C1orf94: variants seen among roughly 807,000 people sequenced by gnomAD.
The protein encoded by C1orf94 is chromosome 1 open reading frame 94.
C1orf94 carries 45 observed loss-of-function variants against 53.6 expected under a neutral mutation model. That is an observed-to-expected ratio of 0.84 (90% CI 0.66 to 1.08). The LOEUF is 1.08. Ranked by LOEUF, C1orf94 falls within the 50% of genes least tolerant of loss-of-function variation. The pLI, the probability that C1orf94 is intolerant of heterozygous loss-of-function variation, is 0.00. For synonymous variants in C1orf94, 304 were observed against 296.1 expected (o/e 1.03, Z -0.27); for missense variants, 762 against 738.9 (o/e 1.03, Z -0.36).
At chr1:34,187,068 C>T (rs1243571724) in intron 1 of C1orf94, among the ~76,000 whole-genome samples, 1 of 152,162 alleles carries the variant, frequency 6.6e-6, no homozygotes, top group Admixed American at 6.5e-5. Context: ...CAAGACATTG[C>T]AGGTTTTTTC....
At position 34,197,748 on chromosome 1, in the gene C1orf94, G is replaced by C. The variant is rs760038036; in HGVS notation, c.844G>C (p.Glu282Gln). The C allele has an allele frequency of 6.2e-7, 1 of 1,614,158 alleles. No individual in the cohort carries two copies. Among genetic ancestry groups the C allele is most frequent in the Admixed American group, 1.7e-5 (1 of 60,030 alleles). ...CCTGTTCAGTGGCCCTGGACCCAAG[G>C]AGCCCACAGGGCTGAGCCCATTTCT... ...DNLFSGPGPK[E>Q]PTGLSPFLLL... Residue 282 changes from glutamate (E) to glutamine (Q), a missense_variant, in exon 2 of 7, where the codon GAG becomes CAG. Physicochemically the swap from Glu to Gln is conservative, Grantham distance 29 (BLOSUM62 2). Transcript: ENST00000488417. The surrounding 1 kb of genome is among the most constrained non-coding windows in gnomAD (Gnocchi z 4.1).
At chr1:34,196,193 A>G (rs1042784350) in intron 1 of C1orf94, among the ~76,000 whole-genome samples, 4 of 152,082 alleles carry the variant, frequency 2.6e-5, no homozygotes, top group African/African-American at 9.7e-5. Flanking sequence ...GGGCGGGGCC[A>G]CCAGCCAGGC....
At chr1:34,179,325 C>T (rs528222798) in intron 1 of C1orf94, among the ~76,000 whole-genome samples, 2 of 152,372 alleles carry the variant, frequency 1.3e-5, no homozygotes, top group African/African-American at 4.8e-5. Context: ...GGCACTGAGC[C>T]CTTCTCCCCT....
At position 34,208,145 on chromosome 1, in the gene C1orf94, G is replaced by T. The variant is rs371631981; in HGVS notation, c.1447-12G>T. ...CCTTGCCTGGCCATACTGAGCCTCT[G>T]TTTCTCCCCAGGGCCTGTACCCACA... On this transcript the variant is annotated splice_polypyrimidine_tract_variant and intron_variant, in intron 4 of 6. Coordinates refer to ENST00000488417, the MANE Select transcript of C1orf94 (RefSeq NM_001134734.2). 6.2e-7 allele frequency: 1 copy of T among 1,613,848 alleles called. No individual in the cohort carries two copies. The highest frequency in any genetic ancestry group is 1.1e-5 in the South Asian group (1 of 90,974).
At chr1:34,193,124 T>C (rs974425090) in intron 1 of C1orf94, among the ~76,000 whole-genome samples, 7 of 152,174 alleles carry the variant, frequency 4.6e-5, no homozygotes, top group African/African-American at 1.7e-4. Context: ...AATCAGGGAC[T>C]TTTAACTATA....
chr1:34,218,402 G>T lies in C1orf94; in HGVS notation c.1722-284G>T, dbSNP rs78402274. On this transcript the variant is annotated intron_variant, in intron 6 of 6. Coordinates refer to ENST00000488417, the MANE Select transcript of C1orf94 (RefSeq NM_001134734.2). ...AGGGTCCCTGTTCTATGGGTCTTGGGCAGGGAGAGAGTGTAGGCTCCATTG... is the reference window on the plus strand; with the variant it reads ...AGGGTCCCTGTTCTATGGGTCTTGGTCAGGGAGAGAGTGTAGGCTCCATTG... Among the ~76,000 whole-genome samples the T allele has an allele frequency of 1.2e-3, 186 of 152,264 alleles. 1 individual carries two copies. In the East Asian group the frequency reaches 0.013, roughly 11 times the overall value.
chr1:34,169,746 G>A (rs553568483), intron 1 of C1orf94, among the ~76,000 whole-genome samples: 105 of 152,304 alleles, frequency 6.9e-4, no homozygotes, highest in African/African-American at 2.2e-3. Context: ...AAAAGCTTAG[G>A]ATCCCAAATG....
intron 1 of C1orf94, among the ~76,000 whole-genome samples, chr1:34,181,988 G>A (rs1350447806): frequency 6.6e-6 from 1 of 152,148 alleles, no homozygotes. Flanking sequence ...GAGCCCAGGA[G>A]TTCAAGACCA....
chr1:34,193,150 G>T (rs191347433), intron 1 of C1orf94, among the ~76,000 whole-genome samples: 1 of 152,256 alleles, frequency 6.6e-6, no homozygotes, highest in Admixed American at 6.5e-5. Context: ...AATCTCGATG[G>T]CAGCGAAGTG....
intron 4 of C1orf94, among the ~76,000 whole-genome samples, chr1:34,206,246 T>C (rs1235269892): frequency 3.3e-5 from 5 of 152,288 alleles, no homozygotes; most frequent in Admixed American, 2.0e-4. Context: ...CTGCTGTCCC[T>C]ACTGTATGGG....
upstream of C1orf94, among the ~76,000 whole-genome samples, chr1:34,175,189 G>GT (rs1642205465): frequency 2.6e-5 from 2 of 77,826 alleles, no homozygotes; most frequent in Non-Finnish European, 4.2e-5. Flanking sequence ...TGCTGTATTT[G>GT]ATTTTTTTTT....
intron 1 of C1orf94, among the ~76,000 whole-genome samples, chr1:34,195,760 C>T (rs1021988726): frequency 3.3e-5 from 5 of 150,152 alleles, no homozygotes; most frequent in South Asian, 2.1e-4. Flanking sequence ...AATTGTGTGC[C>T]TGCCTGTTTC....
intron 4 of C1orf94, among the ~76,000 whole-genome samples, chr1:34,206,847 A>C (rs945317004): frequency 3.3e-5 from 5 of 152,132 alleles, no homozygotes; most frequent in Non-Finnish European, 2.9e-5. Flanking sequence ...GAGTGGTTTC[A>C]GGTGAAGGAG....
intron 1 of C1orf94, among the ~76,000 whole-genome samples, chr1:34,168,520 T>C (rs1642087813): frequency 6.6e-6 from 1 of 151,950 alleles, no homozygotes; most frequent in Admixed American, 6.5e-5. Flanking sequence ...CAGTGAGAAA[T>C]AGAAGGTGTA....
chr1:34,194,697 G>A (rs899379), intron 1 of C1orf94, among the ~76,000 whole-genome samples: 9,999 of 151,982 alleles, frequency 0.066, 888 homozygotes, highest in African/African-American at 0.21. Flanking sequence ...GGCATTCCCC[G>A]GCATAATTTT....
At chr1:34,200,643 G>A (rs2148618817) in intron 2 of C1orf94, 129 bp from the exon 3 acceptor site, 2 of 1,272,020 alleles carry the variant, frequency 1.6e-6, no homozygotes, top group Non-Finnish European at 2.2e-6. Flanking sequence ...CTGAAAGAGA[G>A]TCCCCCAAAG....
At position 34,208,908 on chromosome 1, in the gene C1orf94, T is replaced by C. The variant is rs1387539292; in HGVS notation, c.1524+674T>C. On this transcript the variant is annotated intron_variant, in intron 5 of 6. Transcript: ENST00000488417. ...GCAAACGACATGGCTTTGCTCAGCATCAGTGAGACTGAGGAGTCATATTCT... is the reference window on the plus strand; with the variant it reads ...GCAAACGACATGGCTTTGCTCAGCACCAGTGAGACTGAGGAGTCATATTCT... Among the ~76,000 whole-genome samples the C allele has an allele frequency of 2.0e-5, 3 of 152,186 alleles. No homozygotes were observed. In the East Asian group the frequency reaches 5.8e-4, roughly 29 times the overall value.
chr1:34,172,292 C>T (rs917037092), upstream of C1orf94, among the ~76,000 whole-genome samples: 1 of 152,234 alleles, frequency 6.6e-6, no homozygotes. Context: ...TTCCTTTTCC[C>T]TAACTTTAAG....
At chr1:34,195,621 T>G (rs1410846440) in intron 1 of C1orf94, among the ~76,000 whole-genome samples, 5 of 152,110 alleles carry the variant, frequency 3.3e-5, no homozygotes, top group African/African-American at 1.2e-4. Flanking sequence ...TCAGGACTCA[T>G]CAGGACCCAG....
Sources: gnomAD v4.1 joint callset for allele counts (sites outside exome capture counted in the v4.1 genomes callset) on GRCh38, gnomAD v4.1.1 for gene constraint, Gnocchi (gnomAD v3.1) non-coding constraint, MANE v1.5 for transcripts, NCBI Gene and HGNC (gene_info 2026-07-23, HGNC 2026-07-21) for gene names.